The following RASAL2 variants were observed in gnomAD, a reference collection of about 807,000 sequenced individuals.
The protein encoded by RASAL2 is RAS protein activator like 2, also known as ras GTPase-activating protein nGAP.
RASAL2 carries 58 observed loss-of-function variants against 128.9 expected under a neutral mutation model. That is an observed-to-expected ratio of 0.45 (90% CI 0.36 to 0.56). The LOEUF (loss-of-function observed/expected upper bound fraction) is 0.56, where lower values mean the gene tolerates loss of function less well. Among genes scored for constraint, RASAL2 ranks in the 20% least tolerant of loss-of-function variants. The pLI is 0.00. For missense variants in RASAL2, 1,360 were observed against 1,601.6 expected (o/e 0.85, Z 2.57); for synonymous variants, 561 against 580.8 (o/e 0.97, Z 0.49).
chr1:178,110,530 C>A (rs1659263445), intron 1 of RASAL2, among the ~76,000 whole-genome samples: 1 of 137,362 alleles, frequency 7.3e-6, no homozygotes, highest in African/African-American at 2.7e-5. Context: ...TATATATATG[C>A]TATATATACT....
intron 1 of RASAL2, among the ~76,000 whole-genome samples, chr1:178,255,292 A>G (rs1045150033): frequency 3.3e-5 from 5 of 152,180 alleles, no homozygotes; most frequent in Non-Finnish European, 7.4e-5. Context: ...CTAATTATGT[A>G]ATTTTAAAAG....
chr1:178,300,118 G>T lies in RASAL2; in HGVS notation c.457G>T (p.Glu153Ter). 6.2e-7 allele frequency: 1 copy of T among 1,606,660 alleles called. No individual in the cohort carries two copies. Among genetic ancestry groups the T allele is most frequent in the Non-Finnish European group, 8.5e-7 (1 of 1,177,892 alleles). The part of the protein sequence containing the change: ...EYPPEGATKL[E>*]VPAERSPRRR... The stretch of plus-strand genomic sequence containing the variant: ...CCCACCAGAGGGCGCCACTAAACTG[G>T]GTAAGCTACTATGAAAAGGAAATAA... Residue 153 changes from glutamate to a stop codon, truncating the protein, a stop_gained and splice_region_variant, in exon 3 of 18, where the codon GAG becomes TAG. Coordinates refer to ENST00000367649, the MANE Select transcript of RASAL2 (RefSeq NM_170692.4). LOFTEE classifies it high-confidence loss of function.
intron 1 of RASAL2, among the ~76,000 whole-genome samples, chr1:178,121,621 G>A (rs1050792345): frequency 6.6e-6 from 1 of 152,070 alleles, no homozygotes; most frequent in Non-Finnish European, 1.5e-5. Context: ...GAGTAGCTGG[G>A]ATTACAGGTG....
At chr1:178,453,907 C>A (rs1043756378) in intron 11 of RASAL2, among the ~76,000 whole-genome samples, 4 of 151,960 alleles carry the variant, frequency 2.6e-5, no homozygotes, top group Admixed American at 2.6e-4. Flanking sequence ...TAAGCCAATG[C>A]AGAAATATAC....
intron 1 of RASAL2, among the ~76,000 whole-genome samples, chr1:178,166,806 A>G (rs10913513): frequency 0.24 from 36,710 of 152,026 alleles, 5,316 homozygotes; most frequent in African/African-American, 0.41. Flanking sequence ...GACAAATGGT[A>G]CCTAATTTAT....
At chr1:178,341,746 G>T in intron 3 of RASAL2, 1 of 1,231,342 alleles carries the variant, frequency 8.1e-7, no homozygotes, top group Non-Finnish European at 1.2e-6. Context: ...GGTTTTTATT[G>T]CTGTGAGTTC....
intron 1 of RASAL2, among the ~76,000 whole-genome samples, chr1:178,164,296 C>T (rs1292710456): frequency 2.0e-5 from 3 of 152,040 alleles, no homozygotes. Context: ...TTCAGGACTC[C>T]AATTATAACA....
rs1648774061 is a variant in RASAL2 at position 178,477,670 on chromosome 1, A to G, written c.*4431A>G. 6.6e-6 allele frequency: 1 copy of G among 152,190 alleles called. No individual in the cohort carries two copies. Among genetic ancestry groups the G allele is most frequent in the Non-Finnish European group, 1.5e-5 (1 of 68,026 alleles). The allele number at this position is 152,190 out of a possible 1,614,324, so 9.4% of individuals were successfully genotyped here. ...GTAGACAACACATGCACACACCCAC[A>G]CAAAACATAATTCCTGGGGCTTCCT... On this transcript the variant is annotated 3_prime_UTR_variant, in exon 18 of 18. Transcript: ENST00000367649.
At chr1:178,471,566 A>G (rs1280423681) in intron 17 of RASAL2, among the ~76,000 whole-genome samples, 1 of 152,158 alleles carries the variant, frequency 6.6e-6, no homozygotes, top group East Asian at 1.9e-4. Flanking sequence ...TCAGGGAAAG[A>G]AGGATTTTTT....
rs1179691138 is a variant in RASAL2 at position 178,384,237 on chromosome 1, CAT to C, written c.458-5862_458-5861del. 3.3e-5 allele frequency among the ~76,000 whole-genome samples: 5 copies of C among 152,268 alleles called. No individual in the cohort carries two copies. In the South Asian group the frequency reaches 1.0e-3, roughly 32 times the overall value. On this transcript the variant is annotated intron_variant, in intron 3 of 17. Transcript: ENST00000367649. ...TATGCCAAAGAAACTGCATCTGTGA[CAT>C]GTAATATTTTTCTGTTCTATTGTAA... is the stretch of plus-strand genomic sequence containing the variant.
chr1:178,229,401 A>C (rs1218398498), intron 1 of RASAL2, among the ~76,000 whole-genome samples: 1 of 152,174 alleles, frequency 6.6e-6, no homozygotes, highest in African/African-American at 2.4e-5. Context: ...GTCTCTTTGA[A>C]ACTGAACAAT....
intron 3 of RASAL2, among the ~76,000 whole-genome samples, chr1:178,361,236 A>G (rs1671090938): frequency 6.6e-6 from 1 of 152,228 alleles, no homozygotes; most frequent in Admixed American, 6.5e-5. Context: ...AATTTACAAC[A>G]GATTCAAATA....
intron 3 of RASAL2, among the ~76,000 whole-genome samples, chr1:178,321,692 A>T (rs1404290510): frequency 6.6e-6 from 1 of 151,576 alleles, no homozygotes; most frequent in East Asian, 2.0e-4. Flanking sequence ...TTTTTTATTT[A>T]AAAAAATTTT....
chr1:178,379,485 C>T (rs1181366601), intron 3 of RASAL2, among the ~76,000 whole-genome samples: 2 of 152,092 alleles, frequency 1.3e-5, no homozygotes, highest in African/African-American at 4.8e-5. Context: ...AAATCTACCA[C>T]TGATTATGGT....
chr1:178,200,288 T>C (rs894489699), intron 1 of RASAL2, among the ~76,000 whole-genome samples: 2 of 152,222 alleles, frequency 1.3e-5, no homozygotes, highest in Admixed American at 6.5e-5. Flanking sequence ...CTAAGGACGC[T>C]ACTTCTAATA....
intron 3 of RASAL2, among the ~76,000 whole-genome samples, chr1:178,385,547 TA>T (rs566993031): frequency 6.5e-4 from 95 of 146,022 alleles, no homozygotes; most frequent in East Asian, 5.9e-4. Context: ...ATTTTAGAGT[TA>T]AAAAAAAAAA....
intron 2 of RASAL2, among the ~76,000 whole-genome samples, chr1:178,286,061 G>A (rs193104996): frequency 6.6e-6 from 1 of 152,176 alleles, no homozygotes; most frequent in East Asian, 1.9e-4. Context: ...CATCCACCAC[G>A]CTGTATGTAC....
At chr1:178,340,099 T>C (rs1298669262) in intron 3 of RASAL2, among the ~76,000 whole-genome samples, 2 of 152,318 alleles carry the variant, frequency 1.3e-5, no homozygotes, top group East Asian at 3.9e-4. Context: ...GCTATTTTTA[T>C]ACTAGATGAC....
rs757727946 is a variant in RASAL2, at chr1:178,445,656, G to T, written c.1621G>T (p.Ala541Ser). 4 of 1,609,458 alleles carry T rather than the reference G, an allele frequency of 2.5e-6. No individual in the cohort carries two copies. Among genetic ancestry groups the T allele is most frequent in the East Asian group, 4.5e-5 (2 of 44,710 alleles). The change falls in exon 9 of 18, where the codon GCA (alanine) becomes TCA (serine). Residue 541 changes from alanine to serine, a missense_variant. Transcript: ENST00000367649. ...GGTGGGACAACAGTATCTTCATGAC[G>T]CACTGGGTATGAAAGAGAAAAACAT... is the stretch of plus-strand genomic sequence containing the variant. ...KLVGQQYLHD[A>S]LGEFIKALYE...
Sources: gnomAD v4.1 joint callset for allele counts (sites outside exome capture counted in the v4.1 genomes callset) on GRCh38, gnomAD v4.1.1 for gene constraint, MANE v1.5 for transcripts, NCBI Gene and HGNC (gene_info 2026-07-23, HGNC 2026-07-21) for gene names.